Variants in BICD2 observed in about 807,000 individuals in gnomAD.
BICD2 encodes the protein BICD cargo adaptor 2.
A neutral mutation model predicts 72.9 loss-of-function variants in BICD2; 25 were observed. The ratio of observed to expected loss-of-function variants is 0.34; its 90% confidence interval spans 0.25 to 0.48. The LOEUF (loss-of-function observed/expected upper bound fraction) is 0.48, where lower values mean the gene tolerates loss of function less well. Among genes scored for constraint, BICD2 ranks in the 20% least tolerant of loss-of-function variants. The pLI, the probability that BICD2 is intolerant of heterozygous loss-of-function variation, is 0.99. For missense variants in BICD2, 894 were observed against 1,175.2 expected (o/e 0.76, Z 3.50); for synonymous variants, 501 against 516.1 (o/e 0.97, Z 0.40).
At chr9:92,728,884 A>G (rs1853621262) in intron 2 of BICD2, 140 bp downstream of exon 2, 1 of 871,422 alleles carries the variant, frequency 1.1e-6, no homozygotes, top group Non-Finnish European at 1.7e-6. Context: ...GTGGAGGATG[A>G]GACCAGGAAA....
At chr9:92,724,991 C>A (rs1853537199) in intron 2 of BICD2, among the ~76,000 whole-genome samples, 2 of 152,218 alleles carry the variant, frequency 1.3e-5, no homozygotes, top group South Asian at 4.1e-4. Flanking sequence ...CTGAGTCCCA[C>A]CAACTCTCCC....
At chr9:92,749,333 G>C (rs143044772) in intron 1 of BICD2, among the ~76,000 whole-genome samples, 1 of 152,208 alleles carries the variant, frequency 6.6e-6, no homozygotes, top group Non-Finnish European at 1.5e-5. Context: ...GGAGGCTGAG[G>C]GGCACTGGCC....
At chr9:92,728,980 G>A in intron 2 of BICD2, 44 bp downstream of exon 2, 1 of 1,590,710 alleles carries the variant, frequency 6.3e-7, no homozygotes. Context: ...TGACACTGGT[G>A]GCACTGCTGC....
At chr9:92,732,364 G>A (rs976514775) in intron 1 of BICD2, among the ~76,000 whole-genome samples, 1 of 152,082 alleles carries the variant, frequency 6.6e-6, no homozygotes, top group Non-Finnish European at 1.5e-5. Context: ...AGGAGTAATT[G>A]GAGTACCCAA....
Position 92,715,262 on chromosome 9 carries a change from G to A in BICD2, c.2460C>T (p.Ala820=). The A allele has an allele frequency of 1.2e-6, 2 of 1,613,042 alleles. No individual in the cohort carries two copies. Among genetic ancestry groups the A allele is most frequent in the South Asian group, 2.2e-5 (2 of 91,074 alleles). The stretch of plus-strand genomic sequence containing the variant: ...CACAGGTGTGACTTACGCTCGGTGT[G>A]GCTGGCTTGGTCTTCGGGGCGGCTT... ...RAKAAPKTKP[A]TPSVSHTCAC... is the part of the protein sequence containing the mutation. Residue 820 remains alanine, a synonymous_variant, in exon 7 of 7, where the codon GCC becomes GCT. Transcript: ENST00000356884.
chr9:92,730,106 C>A (rs1853648906), intron 1 of BICD2, among the ~76,000 whole-genome samples: 1 of 152,228 alleles, frequency 6.6e-6, no homozygotes, highest in South Asian at 2.1e-4. Context: ...TGCCCACTAC[C>A]CCCACATAGC....
chr9:92,722,585 G>C, intron 3 of BICD2, 71 bp downstream of exon 3: 2 of 1,596,792 alleles, frequency 1.3e-6, no homozygotes, highest in Non-Finnish European at 1.7e-6. Flanking sequence ...ACAGGGAGAG[G>C]GGCTGAGCAA....
intron 2 of BICD2, among the ~76,000 whole-genome samples, chr9:92,726,504 T>C (rs906589399): frequency 6.6e-6 from 1 of 152,194 alleles, no homozygotes; most frequent in East Asian, 1.9e-4. Context: ...ACAGAGAAGC[T>C]TGGCACAGTG....
At chr9:92,750,662 GT>G (rs913644735) in intron 1 of BICD2, among the ~76,000 whole-genome samples, 19 of 148,118 alleles carry the variant, frequency 1.3e-4, no homozygotes, top group Admixed American at 2.0e-4. Context: ...GAAGCATAGG[GT>G]TTTTTTTTTA....
chr9:92,719,702 G>T, intron 4 of BICD2, 120 bp from the exon 5 acceptor site: 1 of 1,071,026 alleles, frequency 9.3e-7, no homozygotes, highest in Non-Finnish European at 1.3e-6. Flanking sequence ...TCAGCCCCAG[G>T]TTCCTTGGCC....
chr9:92,745,988 C>G (rs1264419080), intron 1 of BICD2, among the ~76,000 whole-genome samples: 1 of 152,196 alleles, frequency 6.6e-6, no homozygotes, highest in Non-Finnish European at 1.5e-5. Context: ...GGCCTGGAAC[C>G]TAGAAAGCTT....
intron 1 of BICD2, among the ~76,000 whole-genome samples, chr9:92,763,154 T>C (rs1026918985): frequency 6.6e-6 from 1 of 152,150 alleles, no homozygotes; most frequent in Non-Finnish European, 1.5e-5. Context: ...GGGTCAGCCA[T>C]TGACTGGTAC....
rs533852054 is a variant in BICD2 at position 92,720,609 on chromosome 9, G to A, written c.753C>T (p.Arg251=). 7.9e-5 allele frequency: 128 copies of A among 1,613,994 alleles called. No individual in the cohort carries two copies. The highest frequency in any genetic ancestry group is 8.4e-5 in the Non-Finnish European group (99 of 1,180,042). ...EEALETLKTE[R]EQKNSLRKEL... ...CCTTGCGCAGGCTGTTCTTCTGTTC[G>A]CGCTCCGTCTTCAGGGTCTCCAGCG... The change falls in exon 4 of 7, where the codon CGC becomes CGT. Residue 251 remains arginine (R), a synonymous_variant. Coordinates refer to ENST00000356884, the MANE Select transcript of BICD2 (RefSeq NM_001003800.2). The surrounding 1 kb of genome is among the most constrained non-coding windows in gnomAD (Gnocchi z 5.4).
chr9:92,753,683 C>A (rs1412992990), intron 1 of BICD2, among the ~76,000 whole-genome samples: 1 of 151,830 alleles, frequency 6.6e-6, no homozygotes. Context: ...GGACTACAGG[C>A]ACCCGCCACC....
At position 92,729,173 on chromosome 9, in the gene BICD2, T is replaced by C; in HGVS notation, c.304A>G (p.Ser102Gly). The C allele has an allele frequency of 6.2e-7, 1 of 1,614,238 alleles. No homozygotes were observed. The highest frequency in any genetic ancestry group is 8.5e-7 in the Non-Finnish European group (1 of 1,180,048). ...TTGGAGGCCGACTCCTGGATCAGGC[T>C]CTCCTCCCGGCTCTCTCCGTCAGCA... ...VAADGESREE[S>G]LIQESASKEQ... Residue 102 changes from serine (S) to glycine (G), a missense_variant, in exon 2 of 7, where the codon AGC (serine) becomes GGC (glycine). Physicochemically the swap from Ser to Gly is moderately conservative, Grantham distance 56. Coordinates refer to ENST00000356884, the MANE Select transcript of BICD2 (RefSeq NM_001003800.2).
chr9:92,714,546 T>C lies in BICD2; in HGVS notation c.*608A>G. On this transcript the variant is annotated 3_prime_UTR_variant, in exon 7 of 7. Transcript: ENST00000356884. ...TGCCATGTGTGTCTGGCCAGCAGAA[T>C]ACAGGGGCTCAGGGCTGCTCTTCTC... 3 of 985,576 alleles carry C rather than the reference T, an allele frequency of 3.0e-6. No homozygotes were observed. Among genetic ancestry groups the C allele is most frequent in the Non-Finnish European group, 3.6e-6 (3 of 829,998 alleles). 61.1% of individuals were successfully genotyped at this position (985,576 alleles called of 1,614,324 possible). A position where few individuals can be genotyped will look rare whatever the true frequency, so the allele number is the denominator to read the frequency against.
chr9:92,749,960 C>T (rs1420442067), intron 1 of BICD2, among the ~76,000 whole-genome samples: 3 of 152,276 alleles, frequency 2.0e-5, no homozygotes, highest in African/African-American at 7.2e-5. Context: ...CTGGGCCAGG[C>T]TGGGCTGAAA....
rs771797323 is a variant in BICD2, at chr9:92,720,260, G to A, written c.1062+40C>T. 20 of 1,566,056 alleles carry A rather than the reference G, an allele frequency of 1.3e-5. No homozygotes were observed. The highest frequency in any genetic ancestry group is 1.6e-5 in the Non-Finnish European group (19 of 1,154,256). ...CTGCTCGGGGAGCCCTGCAGACCTGGAGTGGGGACAGCGTGCCGAAGGCCC... is the reference window on the plus strand; with the variant it reads ...CTGCTCGGGGAGCCCTGCAGACCTGAAGTGGGGACAGCGTGCCGAAGGCCC... On this transcript the variant is annotated intron_variant, in intron 4 of 6. Coordinates refer to ENST00000356884, the MANE Select transcript of BICD2 (RefSeq NM_001003800.2). The surrounding 1 kb of genome is among the most constrained non-coding windows in gnomAD (Gnocchi z 5.4).
At chr9:92,745,053 A>G (rs1443916687) in intron 1 of BICD2, among the ~76,000 whole-genome samples, 1 of 152,214 alleles carries the variant, frequency 6.6e-6, no homozygotes, top group Non-Finnish European at 1.5e-5. Context: ...AAACAAGATG[A>G]AAGATCAAAT....
Sources: allele counts gnomAD v4.1 joint callset (sites outside exome capture counted in the v4.1 genomes callset), GRCh38; gene constraint gnomAD v4.1.1; non-coding constraint Gnocchi (gnomAD v3.1); transcripts MANE v1.5; gene names NCBI Gene and HGNC (gene_info 2026-07-23, HGNC 2026-07-21).